The following PTPRN2 variants were observed in gnomAD, a reference collection of about 807,000 sequenced individuals.
The protein encoded by PTPRN2 is protein tyrosine phosphatase receptor type N2, also known as receptor-type tyrosine-protein phosphatase N2.
In PTPRN2, 74 loss-of-function variants were observed where a neutral mutation model predicts 118.8. The ratio of observed to expected loss-of-function variants is 0.62; its 90% CI spans 0.52 to 0.76. The LOEUF (loss-of-function observed/expected upper bound fraction) is 0.76, where lower values mean the gene tolerates loss of function less well. Ranked by LOEUF, PTPRN2 falls within the 30% of genes least tolerant of loss-of-function variation. The pLI, the probability that PTPRN2 is intolerant of heterozygous loss-of-function variation, is 0.00. For missense variants in PTPRN2, 1,481 were observed against 1,394.4 expected, an observed-to-expected ratio of 1.06 and a Z score of -0.99; for synonymous variants, 641 against 608.0, an observed-to-expected ratio of 1.05 and a Z score of -0.80.
chr7:157,937,431 C>T (rs1229546703), intron 11 of PTPRN2, among the ~76,000 whole-genome samples: 1 of 152,234 alleles, frequency 6.6e-6, no homozygotes, highest in Non-Finnish European at 1.5e-5. Context: ...TAGGCAAGCC[C>T]TTGATGTCTG....
intron 11 of PTPRN2, among the ~76,000 whole-genome samples, chr7:157,992,316 G>A (rs1804313678): frequency 6.6e-6 from 1 of 152,258 alleles, no homozygotes; most frequent in South Asian, 2.1e-4. Flanking sequence ...AAGAGGGGCT[G>A]CTCATGGCCC....
chr7:158,056,221 T>C (rs10276426), intron 11 of PTPRN2, among the ~76,000 whole-genome samples: 63,778 of 152,038 alleles, frequency 0.42, 14,486 homozygotes, highest in African/African-American at 0.6. Flanking sequence ...CAAGGAGTGT[T>C]ACCCTGCCCC....
At chr7:158,452,881 T>A (rs191460092) in intron 2 of PTPRN2, among the ~76,000 whole-genome samples, 20 of 152,324 alleles carry the variant, frequency 1.3e-4, no homozygotes, top group Non-Finnish European at 2.5e-4. Context: ...CACGGGGTCT[T>A]ACTCTGTTGC....
At chr7:158,073,739 G>GAA (rs1185188129) in intron 11 of PTPRN2, among the ~76,000 whole-genome samples, 5 of 152,216 alleles carry the variant, frequency 3.3e-5, no homozygotes, top group Non-Finnish European at 7.3e-5. Context: ...AGAGGTGAGG[G>GAA]AAAGAGTGGA....
chr7:158,285,770 C>T (rs13437764), intron 3 of PTPRN2, among the ~76,000 whole-genome samples: 1,952 of 152,324 alleles, frequency 0.013, 43 homozygotes, highest in African/African-American at 0.044. Context: ...CGGCTAACTC[C>T]GGCAAAACCT....
At position 158,118,373 on chromosome 7, in the gene PTPRN2, TA is replaced by T. The variant is rs754930516; in HGVS notation, c.1557-7459del. Among the ~76,000 whole-genome samples the T allele has an allele frequency of 1.7e-4, 26 of 152,166 alleles. No homozygotes were observed. In the Middle Eastern group the frequency reaches 0.01, roughly 60 times the overall value. On this transcript the variant is annotated intron_variant, in intron 9 of 22. Transcript: ENST00000389418. ...AGATGTTAAATCTAATCCTCTATGA[TA>T]AATACAAAGAAAATAGCTACATAAT...
chr7:157,888,387 C>T, intron 12 of PTPRN2, among the ~76,000 whole-genome samples: 1 of 152,144 alleles, frequency 6.6e-6, no homozygotes, highest in East Asian at 1.9e-4. Flanking sequence ...TCTCTTCCTT[C>T]AGATACTGCT....
At chr7:158,157,634 C>T (rs189969799) in intron 6 of PTPRN2, among the ~76,000 whole-genome samples, 2 of 152,364 alleles carry the variant, frequency 1.3e-5, no homozygotes, top group Admixed American at 1.3e-4. Flanking sequence ...CAGCCACACA[C>T]GGCCGCTGCC....
chr7:158,488,330 C>T (rs764383287), intron 2 of PTPRN2, among the ~76,000 whole-genome samples: 6 of 152,136 alleles, frequency 3.9e-5, no homozygotes, highest in Non-Finnish European at 8.8e-5. Flanking sequence ...CACGAGCTGC[C>T]GGTTCCCACT....
chr7:158,098,602 G>T (rs1237886978), intron 10 of PTPRN2, among the ~76,000 whole-genome samples: 1 of 152,202 alleles, frequency 6.6e-6, no homozygotes, highest in African/African-American at 2.4e-5. Context: ...GAAACCAGAG[G>T]CTCCCCGAGG....
At position 157,929,031 on chromosome 7, in the gene PTPRN2, T is replaced by G. The variant is rs149137197; in HGVS notation, c.1724-30294A>C. Among the ~76,000 whole-genome samples, 488 of 152,210 alleles carry G rather than the reference T, an allele frequency of 3.2e-3. 3 individuals carry two copies. The highest frequency in any genetic ancestry group is 0.011 in the African/African-American group (466 of 41,528). On this transcript the variant is annotated intron_variant, in intron 11 of 22. Transcript: ENST00000389418. The surrounding 1 kb of genome is among the most constrained non-coding windows in gnomAD (Gnocchi z 4.4). Reference sequence around the variant, plus strand: ...GACATGGAGATGGTTTAACCTCACATGCCCACTTTAGAGGCAGGAGAGTGG... The same window carrying G: ...GACATGGAGATGGTTTAACCTCACAGGCCCACTTTAGAGGCAGGAGAGTGG...
intron 11 of PTPRN2, chr7:158,028,617 C>G (rs1185747398): frequency 6.6e-6 from 1 of 152,364 alleles, no homozygotes; most frequent in Admixed American, 6.5e-5. Context: ...GCGGACTCCA[C>G]TGACCAACCG....
chr7:158,070,969 CGGTGGAGGTGCCCGTGGT>C (rs746287107), intron 11 of PTPRN2, among the ~76,000 whole-genome samples: 5 of 16,642 alleles, frequency 3.0e-4, no homozygotes, highest in Non-Finnish European at 4.1e-4. Flanking sequence ...GAGGTGCTCA[CGGTGGAGGTGCCCGTGGT>C]GGTGGAGGTG....
chr7:157,728,201 G>A (rs147104962), intron 12 of PTPRN2, among the ~76,000 whole-genome samples: 17 of 152,340 alleles, frequency 1.1e-4, no homozygotes, highest in African/African-American at 2.9e-4. Flanking sequence ...AGATGGGGCC[G>A]ACTCTGCCGC....
rs148489639 is a variant in PTPRN2, at chr7:158,278,714, G to A, written c.277+38105C>T. Among the ~76,000 whole-genome samples, 318 of 152,320 alleles carry A rather than the reference G, an allele frequency of 2.1e-3. 1 individual carries two copies. Among genetic ancestry groups the A allele is most frequent in the African/African-American group, 7.0e-3 (293 of 41,572 alleles). On this transcript the variant is annotated intron_variant, in intron 3 of 22. Coordinates refer to ENST00000389418, the MANE Select transcript of PTPRN2 (RefSeq NM_002847.5). ...GGTGTGTCCAGAGTTTGTTCCTTCA[G>A]GTGTGTCCAGAGTTTCTTTCTTCCG...
chr7:158,373,385 T>C (rs1489992492), intron 2 of PTPRN2, among the ~76,000 whole-genome samples: 1 of 152,228 alleles, frequency 6.6e-6, no homozygotes, highest in Non-Finnish European at 1.5e-5. Flanking sequence ...GCTAATTTCA[T>C]AGCGTTAGCT....
chr7:157,601,833 T>C lies in PTPRN2; in HGVS notation c.2418+2169A>G, dbSNP rs1001128231. ...GGCTTTATTCCTCATTCTGGCTTCA[T>C]CAAATGGTTCATCTCAGGGAAAAGG... On this transcript the variant is annotated intron_variant, in intron 16 of 22. Coordinates refer to ENST00000389418, the MANE Select transcript of PTPRN2 (RefSeq NM_002847.5). Among the ~76,000 whole-genome samples the C allele has an allele frequency of 3.9e-5, 6 of 152,224 alleles. No individual in the cohort carries two copies. The East Asian group carries it at 1.2e-3, about 29-fold the overall frequency.
At position 157,964,968 on chromosome 7, in the gene PTPRN2, C is replaced by T. The variant is rs550597734; in HGVS notation, c.1724-66231G>A. Among the ~76,000 whole-genome samples the T allele has an allele frequency of 6.4e-4, 97 of 152,280 alleles. No homozygotes were observed. In the South Asian group the frequency reaches 0.016, roughly 25 times the overall value. On this transcript the variant is annotated intron_variant, in intron 11 of 22. Coordinates refer to ENST00000389418, the MANE Select transcript of PTPRN2 (RefSeq NM_002847.5). This position sits in a 1 kb window ranked among gnomAD's most constrained non-coding sequence, Gnocchi z 9.0. ...TTGGGAGTGAGTGTCAGTGCCGTAG[C>T]GGAACACAGGGATCTGAGGCACAAG...
chr7:158,069,828 G>T (rs1811069773), intron 11 of PTPRN2, among the ~76,000 whole-genome samples: 3 of 152,210 alleles, frequency 2.0e-5, no homozygotes, highest in Admixed American at 1.3e-4. Context: ...CTTATAAACT[G>T]CTCAGACTTT....
Sources: gnomAD v4.1 joint callset for allele counts (sites outside exome capture counted in the v4.1 genomes callset) on GRCh38, gnomAD v4.1.1 for gene constraint, Gnocchi (gnomAD v3.1) non-coding constraint, MANE v1.5 for transcripts, NCBI Gene and HGNC (gene_info 2026-07-23, HGNC 2026-07-21) for gene names.